Variants in TOX observed in about 807,000 individuals in gnomAD.
TOX encodes thymocyte selection-associated high mobility group box protein TOX.
Under a neutral mutation model 53.7 loss-of-function variants are expected in TOX, and 11 were observed. The ratio of observed to expected loss-of-function variants is 0.20; its 90% CI spans 0.13 to 0.34. TOX has a LOEUF of 0.34. TOX is among the 10% of genes least tolerant of loss of function. The pLI, the probability that TOX is intolerant of heterozygous loss-of-function variation, is 1.00. For missense variants in TOX, 570 were observed against 664.6 expected (o/e 0.86, Z 1.56); for synonymous variants, 225 against 245.3 (o/e 0.92, Z 0.77).
chr8:59,021,796 C>T (rs1018037905), intron 1 of TOX, among the ~76,000 whole-genome samples: 4 of 152,082 alleles, frequency 2.6e-5, no homozygotes, highest in Admixed American at 1.3e-4. Flanking sequence ...AAATTCCAAC[C>T]GTCACACCTG....
intron 1 of TOX, among the ~76,000 whole-genome samples, chr8:59,063,591 T>C (rs1009881943): frequency 3.3e-5 from 5 of 151,960 alleles, no homozygotes; most frequent in Non-Finnish European, 7.4e-5. Flanking sequence ...GCCGGGCTAA[T>C]TTTTTATATT....
At chr8:58,843,290 T>C (rs1367011268) in intron 4 of TOX, among the ~76,000 whole-genome samples, 1 of 152,176 alleles carries the variant, frequency 6.6e-6, no homozygotes, top group Non-Finnish European at 1.5e-5. Flanking sequence ...CATAAAATAT[T>C]CATTACTCAA....
At chr8:58,861,538 AT>A (rs1181764556) in intron 3 of TOX, among the ~76,000 whole-genome samples, 1 of 152,172 alleles carries the variant, frequency 6.6e-6, no homozygotes, top group Non-Finnish European at 1.5e-5. Context: ...CTTTGTTTTG[AT>A]GTGCCCAGAG....
intron 2 of TOX, among the ~76,000 whole-genome samples, chr8:58,948,618 T>A (rs574464721): frequency 6.6e-6 from 1 of 152,322 alleles, no homozygotes; most frequent in African/African-American, 2.4e-5. Context: ...TGTTTTTTAG[T>A]GCTAGATCAT....
In TOX at chr8:59,028,049, T is replaced by A. The variant is rs567982832; in HGVS notation, c.103-68041A>T. 3.9e-5 allele frequency among the ~76,000 whole-genome samples: 6 copies of A among 152,298 alleles called. No homozygotes were observed. The East Asian group carries it at 1.2e-3, about 29-fold the overall frequency. ...AGCATGAATTCATTAATAGATGATA[T>A]ACTAAGCATTAGAACTAACTGCATG... is the stretch of plus-strand genomic sequence containing the variant. On this transcript the variant is annotated intron_variant, in intron 1 of 8. Transcript: ENST00000361421.
chr8:58,851,873 A>G lies in TOX; in HGVS notation c.412-68T>C, dbSNP rs1810831908. The G allele has an allele frequency of 6.6e-6, 8 of 1,220,664 alleles. No homozygotes were observed. The allele number at this position is 1,220,664 out of a possible 1,614,324, so 75.6% of individuals were successfully genotyped here. On this transcript the variant is annotated intron_variant, in intron 3 of 8. Transcript: ENST00000361421. The surrounding 1 kb of genome is among the most constrained non-coding windows in gnomAD (Gnocchi z 4.4). The stretch of plus-strand genomic sequence containing the variant: ...TAGGAAAGGAGTAATTTTAACAAAT[A>G]TGTTTTGGGCAAAAAAGTAATAATT...
rs1279471598 is a variant in TOX at position 58,939,405 on chromosome 8, T to A, written c.308A>T (p.Asn103Ile). 1 of 1,614,080 alleles carries A rather than the reference T, an allele frequency of 6.2e-7. No homozygotes were observed. Among genetic ancestry groups the A allele is most frequent in the East Asian group, 2.2e-5 (1 of 44,864 alleles). Residue 103 changes from asparagine to isoleucine, a missense_variant, in exon 3 of 9, where the codon AAT becomes ATT. Asn to Ile is a moderately radical substitution (Grantham distance 149). Coordinates refer to ENST00000361421, the MANE Select transcript of TOX (RefSeq NM_014729.3). Reference sequence around the variant, plus strand: ...TTGTGGATGAAATGGTAGCAGGCCATTATGGTTCATGGGGTGACACAGAGA... The same window carrying A: ...TTGTGGATGAAATGGTAGCAGGCCAATATGGTTCATGGGGTGACACAGAGA... ...YHSLCHPMNH[N>I]GLLPFHPQNM...
intron 4 of TOX, among the ~76,000 whole-genome samples, chr8:58,845,709 C>A (rs549610111): frequency 1.4e-4 from 22 of 152,128 alleles, no homozygotes; most frequent in African/African-American, 4.8e-4. Flanking sequence ...TTGATTCTGC[C>A]AAACATAGCT....
At chr8:58,863,538 G>T (rs1811044946) in intron 3 of TOX, among the ~76,000 whole-genome samples, 1 of 152,144 alleles carries the variant, frequency 6.6e-6, no homozygotes, top group Admixed American at 6.6e-5. Flanking sequence ...GCTGCAATTT[G>T]TCACAGGGCG....
intron 1 of TOX, among the ~76,000 whole-genome samples, chr8:59,013,293 A>G (rs2129418892): frequency 6.6e-6 from 1 of 152,358 alleles, no homozygotes; most frequent in East Asian, 1.9e-4. Flanking sequence ...CTACGCTGTC[A>G]TCAATAATGT....
chr8:58,903,090 A>G (rs1811756432), intron 3 of TOX, among the ~76,000 whole-genome samples: 1 of 152,210 alleles, frequency 6.6e-6, no homozygotes, highest in Non-Finnish European at 1.5e-5. Flanking sequence ...TTTTTGAAAA[A>G]GCACTAACTG....
intron 3 of TOX, among the ~76,000 whole-genome samples, chr8:58,885,853 T>C (rs1811458623): frequency 6.6e-6 from 1 of 152,174 alleles, no homozygotes; most frequent in Non-Finnish European, 1.5e-5. Context: ...ATTTCACTAA[T>C]GTACACATAA....
At chr8:59,005,229 G>A (rs10109219) in intron 1 of TOX, among the ~76,000 whole-genome samples, 12,223 of 151,926 alleles carry the variant, frequency 0.08, 611 homozygotes, top group Middle Eastern at 0.17. Context: ...TAGTAGAGAC[G>A]GGGTTTCACC....
At chr8:59,021,499 T>TATATATACACAC (rs1554539851) in intron 1 of TOX, among the ~76,000 whole-genome samples, 2 of 109,626 alleles carry the variant, frequency 1.8e-5, no homozygotes, top group Non-Finnish European at 2.0e-5. Context: ...TATATATATA[T>TATATATACACAC]GCACATATAT....
intron 3 of TOX, among the ~76,000 whole-genome samples, chr8:58,856,881 T>C (rs78460005): frequency 1.8e-4 from 27 of 152,188 alleles, no homozygotes; most frequent in African/African-American, 6.3e-4. Flanking sequence ...GGTGTGATTA[T>C]TCTGGAGCCT....
In TOX at chr8:58,815,539, G is replaced by A. The variant is rs749173246; in HGVS notation, c.1191C>T (p.Ala397=). ...AMHPSLPRNI[A]PKPNNQMPVT... is the part of the protein sequence containing the mutation. ...CTGGCATTTGGTTATTCGGCTTGGGGGCTATGTTCCTGGGGAGACTAGGAT... is the reference window on the plus strand; with the variant it reads ...CTGGCATTTGGTTATTCGGCTTGGGAGCTATGTTCCTGGGGAGACTAGGAT... The change falls in exon 7 of 9, where the codon GCC becomes GCT. Residue 397 remains alanine (A), a synonymous_variant. Transcript: ENST00000361421. 12 of 1,613,976 alleles carry A rather than the reference G, an allele frequency of 7.4e-6. No homozygotes were observed. Among genetic ancestry groups the A allele is most frequent in the Middle Eastern group, 1.6e-4 (1 of 6,084 alleles).
intron 1 of TOX, among the ~76,000 whole-genome samples, chr8:58,989,489 T>C (rs1813401669): frequency 6.6e-6 from 1 of 152,114 alleles, no homozygotes; most frequent in Non-Finnish European, 1.5e-5. Context: ...GTGCCCAGTA[T>C]TTGGTGTATT....
chr8:58,993,313 G>A (rs373243385), intron 1 of TOX, among the ~76,000 whole-genome samples: 2 of 152,218 alleles, frequency 1.3e-5, no homozygotes, highest in Admixed American at 6.5e-5. Context: ...AGATGGGGGT[G>A]TATGGCCAAG....
intron 2 of TOX, among the ~76,000 whole-genome samples, chr8:58,949,959 T>G (rs1341005812): frequency 1.8e-5 from 2 of 108,810 alleles, no homozygotes; most frequent in Non-Finnish European, 3.8e-5. Context: ...TAATATACAA[T>G]TACATGTGTA....
Sources: allele counts gnomAD v4.1 joint callset (sites outside exome capture counted in the v4.1 genomes callset), GRCh38; gene constraint gnomAD v4.1.1; non-coding constraint Gnocchi (gnomAD v3.1); transcripts MANE v1.5; gene names NCBI Gene and HGNC (gene_info 2026-07-23, HGNC 2026-07-21).